Variants in CECR2 observed in about 807,000 individuals in gnomAD.
CECR2 encodes CECR2 histone acetyl-lysine reader.
CECR2 carries 30 observed loss-of-function variants against 154.5 expected under a neutral mutation model. That is an observed-to-expected ratio of 0.19 (90% CI 0.15 to 0.26). The LOEUF (loss-of-function observed/expected upper bound fraction) is 0.26, where lower values mean the gene tolerates loss of function less well. Ranked by LOEUF, CECR2 falls within the 10% of genes least tolerant of loss-of-function variation. The pLI is 1.00. For missense variants in CECR2, 1,743 were observed against 1,829.3 expected (o/e 0.95, Z 0.86); for synonymous variants, 725 against 683.7 (o/e 1.06, Z -0.94).
chr22:17,545,353 C>T (rs192051287), intron 16 of CECR2, among the ~76,000 whole-genome samples: 25 of 105,812 alleles, frequency 2.4e-4, no homozygotes, highest in Admixed American at 1.4e-3. Flanking sequence ...CCAGCCTGGG[C>T]GAAACAGCGA....
At chr22:17,455,999 A>G (rs2054848319) in intron 1 of CECR2, among the ~76,000 whole-genome samples, 1 of 152,166 alleles carries the variant, frequency 6.6e-6, no homozygotes, top group South Asian at 2.1e-4. Flanking sequence ...GGATCAGCAG[A>G]TCCAAAATCA....
chr22:17,386,501 C>T (rs563338232), intron 1 of CECR2, among the ~76,000 whole-genome samples: 13 of 152,248 alleles, frequency 8.5e-5, no homozygotes, highest in East Asian at 1.9e-4. Context: ...CCAAACTCTG[C>T]GCCATGTTTT....
chr22:17,439,791 T>C (rs1029314250), intron 1 of CECR2, among the ~76,000 whole-genome samples: 2 of 152,210 alleles, frequency 1.3e-5, no homozygotes, highest in African/African-American at 4.8e-5. Flanking sequence ...ACAAGGAATG[T>C]CATTGCAGCG....
chr22:17,399,508 C>G (rs2053860900), intron 1 of CECR2, among the ~76,000 whole-genome samples: 1 of 150,918 alleles, frequency 6.6e-6, no homozygotes, highest in African/African-American at 2.4e-5. Context: ...ACCTCTGCCT[C>G]CTGGGTTCAA....
intron 13 of CECR2, 159 bp downstream of exon 13, chr22:17,539,278 T>C (rs1231017427): frequency 4.0e-6 from 3 of 752,688 alleles, no homozygotes; most frequent in Admixed American, 2.7e-5. Flanking sequence ...TTATACAGTG[T>C]CTGCCAGGGA....
chr22:17,417,495 T>C (rs571964090), intron 1 of CECR2, among the ~76,000 whole-genome samples: 2 of 152,172 alleles, frequency 1.3e-5, no homozygotes, highest in Non-Finnish European at 2.9e-5. Context: ...AAAATTTTTT[T>C]TAAATTGATA....
At chr22:17,406,885 C>T (rs1275341302) in intron 1 of CECR2, among the ~76,000 whole-genome samples, 1 of 152,152 alleles carries the variant, frequency 6.6e-6, no homozygotes. Context: ...CCTTTACTGC[C>T]TGGCATGCCT....
chr22:17,544,846 C>T (rs2056587058), intron 16 of CECR2, among the ~76,000 whole-genome samples: 1 of 144,904 alleles, frequency 6.9e-6, no homozygotes, highest in African/African-American at 2.5e-5. Context: ...AGGTTCATGC[C>T]TATAGTCCCA....
At chr22:17,414,243 A>G (rs1306786493) in intron 1 of CECR2, among the ~76,000 whole-genome samples, 1 of 152,160 alleles carries the variant, frequency 6.6e-6, no homozygotes, top group Admixed American at 6.5e-5. Flanking sequence ...AAGTGCTGGG[A>G]TTACAGGCGT....
upstream of CECR2, among the ~76,000 whole-genome samples, chr22:17,365,485 G>A (rs1412341366): frequency 6.6e-6 from 1 of 152,020 alleles, no homozygotes; most frequent in African/African-American, 2.4e-5. Context: ...ACGAGGTCAG[G>A]AGATCGAGAC....
chr22:17,497,720 A>G (rs918711444), intron 3 of CECR2, 134 bp downstream of exon 3: 24 of 769,594 alleles, frequency 3.1e-5, no homozygotes, highest in African/African-American at 5.2e-5. Flanking sequence ...TTCATTGCCA[A>G]TAACACTGTA....
chr22:17,395,236 C>T (rs1297860692), intron 1 of CECR2, among the ~76,000 whole-genome samples: 1 of 152,180 alleles, frequency 6.6e-6, no homozygotes, highest in Non-Finnish European at 1.5e-5. Flanking sequence ...CTCTATTTCC[C>T]AGGCTGGTTT....
At chr22:17,519,292 GTTTTTT>G (rs80083383) in intron 8 of CECR2, among the ~76,000 whole-genome samples, 1 of 114,660 alleles carries the variant, frequency 8.7e-6, no homozygotes. Flanking sequence ...GGTGTTTTGT[GTTTTTT>G]TTTTTTTTTT....
chr22:17,467,292 G>GT (rs1441861042), intron 1 of CECR2, among the ~76,000 whole-genome samples: 1 of 152,212 alleles, frequency 6.6e-6, no homozygotes, highest in Non-Finnish European at 1.5e-5. Flanking sequence ...TGAGAAGCCA[G>GT]TGAACAATCG....
At chr22:17,388,704 C>A (rs79868360) in intron 1 of CECR2, among the ~76,000 whole-genome samples, 9,619 of 152,230 alleles carry the variant, frequency 0.063, 467 homozygotes, top group East Asian at 0.18. Flanking sequence ...TTTTTCTTCA[C>A]TTGCTTAAAT....
intron 16 of CECR2, among the ~76,000 whole-genome samples, chr22:17,543,418 C>T (rs148989403): frequency 1.5e-4 from 23 of 151,990 alleles, no homozygotes; most frequent in South Asian, 2.1e-4. Flanking sequence ...ACAGGCCCAC[C>T]GCGCCCGGCC....
intron 9 of CECR2, among the ~76,000 whole-genome samples, chr22:17,531,405 C>T (rs559796348): frequency 6.6e-6 from 1 of 152,324 alleles, no homozygotes; most frequent in South Asian, 2.1e-4. Flanking sequence ...TCGCTGTCTT[C>T]CTCAGCGTGC....
intron 1 of CECR2, among the ~76,000 whole-genome samples, chr22:17,391,885 TC>T (rs1239758281): frequency 6.6e-6 from 1 of 152,218 alleles, no homozygotes; most frequent in Non-Finnish European, 1.5e-5. Context: ...CACTGTAACT[TC>T]CGTCTCCCAG....
chr22:17,540,325 C>A (rs2056502252), intron 13 of CECR2, 87 bp from the exon 14 acceptor site: 1 of 1,215,996 alleles, frequency 8.2e-7, no homozygotes, highest in Non-Finnish European at 1.1e-6. Flanking sequence ...ACCTATAGTT[C>A]TGTTTCTATA....
Sources: allele counts gnomAD v4.1 joint callset (sites outside exome capture counted in the v4.1 genomes callset), GRCh38; gene constraint gnomAD v4.1.1; transcripts MANE v1.5; gene names NCBI Gene and HGNC (gene_info 2026-07-23, HGNC 2026-07-21).